The following PFAS variants were observed in gnomAD, a reference collection of about 807,000 sequenced individuals.
PFAS encodes the protein FGAM synthase.
A neutral mutation model predicts 140.6 loss-of-function variants in PFAS; 97 were observed. The observed-to-expected ratio is 0.69, with a 90% CI of 0.59 to 0.82. The LOEUF (loss-of-function observed/expected upper bound fraction) is 0.82, where lower values mean the gene tolerates loss of function less well. PFAS is among the 40% of genes least tolerant of loss of function. The pLI, the probability that PFAS is intolerant of heterozygous loss-of-function variation, is 0.00. For synonymous variants in PFAS, 679 were observed against 718.8 expected, an observed-to-expected ratio of 0.94 and a Z score of 0.88; for missense variants, 1,656 against 1,780.2, an observed-to-expected ratio of 0.93 and a Z score of 1.26.
At position 8,266,541 on chromosome 17, in the gene PFAS, A is replaced by G. The variant is rs770599824; in HGVS notation, c.2821+188A>G. Reference sequence around the variant, plus strand: ...CTGGCTGACACCCACCATGTTCCTGACTGCACCCCTCTGAGACTTCCCATC... The same window carrying G: ...CTGGCTGACACCCACCATGTTCCTGGCTGCACCCCTCTGAGACTTCCCATC... On this transcript the variant is annotated intron_variant, in intron 22 of 27. Coordinates refer to ENST00000314666, the MANE Select transcript of PFAS (RefSeq NM_012393.3). The surrounding 1 kb of genome is among the most constrained non-coding windows in gnomAD (Gnocchi z 5.0). 16 of 1,450,970 alleles carry G rather than the reference A, an allele frequency of 1.1e-5. No homozygotes were observed. Among genetic ancestry groups the G allele is most frequent in the Non-Finnish European group, 1.4e-5 (16 of 1,106,210 alleles). The allele number at this position is 1,450,970 out of a possible 1,614,324, so 89.9% of individuals were successfully genotyped here. A position where few individuals can be genotyped will look rare whatever the true frequency, so the allele number is the denominator to read the frequency against.
In PFAS at chr17:8,265,092, C is replaced by T; in HGVS notation, c.2247C>T (p.Thr749=). 1 of 1,613,122 alleles carries T rather than the reference C, an allele frequency of 6.2e-7. No homozygotes were observed. The change falls in exon 18 of 28, where the codon ACC becomes ACT. Residue 749 remains threonine, a synonymous_variant. Transcript: ENST00000314666. ...AARLAVAEAL[T]NLVFALVTDL... Reference sequence around the variant, plus strand: ...GGCTGGCCGTGGCCGAAGCCCTCACCAACCTGGTGTTTGCTCTGGTCACTG... The same window carrying T: ...GGCTGGCCGTGGCCGAAGCCCTCACTAACCTGGTGTTTGCTCTGGTCACTG...
intron 26 of PFAS, 83 bp from the exon 27 acceptor site, chr17:8,268,450 A>T: frequency 1.1e-6 from 1 of 878,888 alleles, no homozygotes; most frequent in Non-Finnish European, 1.8e-6. Context: ...AAGAAAAGAA[A>T]CAGAGCAGTT....
chr17:8,268,063 T>C lies in PFAS; in HGVS notation c.3382+398T>C, dbSNP rs1325621410. 4.3e-3 allele frequency among the ~76,000 whole-genome samples: 609 copies of C among 142,978 alleles called. 2 individuals carry two copies. Among genetic ancestry groups the C allele is most frequent in the Non-Finnish European group, 6.6e-3 (437 of 65,738 alleles). The allele number at this position is 142,978 out of a possible 152,430, so 93.8% of individuals were successfully genotyped here. On this transcript the variant is annotated intron_variant, in intron 26 of 27. Coordinates refer to ENST00000314666, the MANE Select transcript of PFAS (RefSeq NM_012393.3). ...GTATATTTTTAAATATATATATATA[T>C]ATATATGTATTTTTTGAGACGGAGT...
At position 8,256,401 on chromosome 17, in the gene PFAS, A is replaced by T; in HGVS notation, c.815A>T (p.Asn272Ile). 2 of 1,614,076 alleles carry T rather than the reference A, an allele frequency of 1.2e-6. No individual in the cohort carries two copies. The highest frequency in any genetic ancestry group is 1.7e-6 in the Non-Finnish European group (2 of 1,180,024). Residue 272 changes from asparagine to isoleucine, a missense_variant, in exon 7 of 28, where the codon AAC becomes ATC. Transcript: ENST00000314666. Reference sequence around the variant, plus strand: ...AACAACGTCCTCAAATTCTGTGATAACAGCAGGTGCTGTGCCCTAGACTGG... The same window carrying T: ...AACAACGTCCTCAAATTCTGTGATATCAGCAGGTGCTGTGCCCTAGACTGG... ...NPNNVLKFCD[N>I]SSAIQGKEVR...
chr17:8,261,344 C>T (rs1262591262), intron 11 of PFAS, among the ~76,000 whole-genome samples: 1 of 151,600 alleles, frequency 6.6e-6, no homozygotes, highest in African/African-American at 2.4e-5. Context: ...TCAAGCAATT[C>T]CCCTGCCTCA....
At chr17:8,256,006 C>CT in intron 6 of PFAS, 96 bp downstream of exon 6, 1 of 969,416 alleles carries the variant, frequency 1.0e-6, no homozygotes, top group Non-Finnish European at 1.6e-6. Context: ...GCTTAGGGGC[C>CT]TCCCTGAGTC....
Position 8,258,067 on chromosome 17 carries a change from C to A in PFAS, c.1208-4C>A. ...GACAGGTCCCTCTGATGTTCACACT[C>A]CAGGCTTCGCCCGCTCCTTGGGCCT... On this transcript the variant is annotated splice_region_variant and splice_polypyrimidine_tract_variant and intron_variant, in intron 10 of 27. Coordinates refer to ENST00000314666, the MANE Select transcript of PFAS (RefSeq NM_012393.3). 4 of 1,614,140 alleles carry A rather than the reference C, an allele frequency of 2.5e-6. No homozygotes were observed. Among genetic ancestry groups the A allele is most frequent in the Non-Finnish European group, 3.4e-6 (4 of 1,180,014 alleles).
Position 8,267,560 on chromosome 17 carries a change from G to T in PFAS, c.3277G>T (p.Val1093Leu), listed in dbSNP as rs35050039. The T allele has an allele frequency of 1.9e-6, 3 of 1,610,230 alleles. No individual in the cohort carries two copies. Among genetic ancestry groups the T allele is most frequent in the Admixed American group, 1.7e-5 (1 of 59,978 alleles). The change falls in exon 26 of 28, where the codon GTG (valine) becomes TTG (leucine). Residue 1093 changes from valine (V) to leucine (L), a missense_variant. Transcript: ENST00000314666. This position sits in a 1 kb window ranked among gnomAD's most constrained non-coding sequence, Gnocchi z 4.9. ...CTCCCCACCTTCGCAGGTATGGGAC[G>T]TGACCATGCAGGACCTCTGCTCTGG... ...FHLAGFEVWDVTMQDLCSGAI... is the reference protein window; with the variant it reads ...FHLAGFEVWDLTMQDLCSGAI...
Position 8,268,657 on chromosome 17 carries a change from G to A in PFAS, c.3507G>A (p.Trp1169Ter). ...GTCAACTGCTGGCTCTGCTCGGCTG[G>A]GTGGGAGGCGACCCCAATGAGGATG... The part of the protein sequence containing the change: ...NGCQLLALLG[W>*]VGGDPNEDAA... The change falls in exon 27 of 28, where the codon TGG (tryptophan) becomes TGA (stop). Residue 1169 changes from tryptophan to a stop codon, truncating the protein, a stop_gained. Coordinates refer to ENST00000314666, the MANE Select transcript of PFAS (RefSeq NM_012393.3). LOFTEE classifies it high-confidence loss of function. The A allele has an allele frequency of 6.2e-7, 1 of 1,613,782 alleles. No individual in the cohort carries two copies. Among genetic ancestry groups the A allele is most frequent in the Non-Finnish European group, 8.5e-7 (1 of 1,180,006 alleles).
Position 8,255,014 on chromosome 17 carries a change from G to A in PFAS, c.279-13G>A, listed in dbSNP as rs1268223968. ...GGGGTTCTCCAGTCCTAACCATCAG[G>A]CCCATTGTTCAGGCTGAACTTCTCC... On this transcript the variant is annotated splice_polypyrimidine_tract_variant and intron_variant, in intron 3 of 27. Transcript: ENST00000314666. The A allele has an allele frequency of 1.9e-6, 3 of 1,599,774 alleles. No individual in the cohort carries two copies. In the Admixed American group the frequency reaches 5.0e-5, roughly 27 times the overall value.
At position 8,254,278 on chromosome 17, in the gene PFAS, C is replaced by T. The variant is rs1277936496; in HGVS notation, c.255C>T (p.Asp85=). 1.9e-6 allele frequency: 3 copies of T among 1,614,058 alleles called. No homozygotes were observed. The highest frequency in any genetic ancestry group is 2.5e-6 in the Non-Finnish European group (3 of 1,179,996). ...CCTGGCTCCTTCCTGGCTCCAATGACCTGCTGCTGGAGGTCGGGCCCAGGT... is the reference window on the plus strand; with the variant it reads ...CCTGGCTCCTTCCTGGCTCCAATGATCTGCTGCTGGAGGTCGGGCCCAGGT... ...RESWLLPGSN[D]LLLEVGPRLN... is the part of the protein sequence containing the mutation. The change falls in exon 3 of 28, where the codon GAC becomes GAT. Residue 85 remains aspartate, a synonymous_variant. Transcript: ENST00000314666.
rs368050168 is a variant in PFAS, at chr17:8,253,982, G to T, written c.45G>T (p.Glu15Asp). The change falls in exon 2 of 28, where the codon GAG (glutamate) becomes GAT (aspartate). Residue 15 changes from glutamate (E) to aspartate (D), a missense_variant. Glu to Asp is a conservative substitution (Grantham distance 45, BLOSUM62 2). Transcript: ENST00000314666. Reference sequence around the variant, plus strand: ...TCTATGTTCGTCCCTCTGGCCATGAGGGGGCAGCCCCTGGACACACTCGGA... The same window carrying T: ...TCTATGTTCGTCCCTCTGGCCATGATGGGGCAGCCCCTGGACACACTCGGA... The part of the protein sequence containing the change: ...LHFYVRPSGH[E>D]GAAPGHTRRK... 15 of 1,614,146 alleles carry T rather than the reference G, an allele frequency of 9.3e-6. No individual in the cohort carries two copies. The highest frequency in any genetic ancestry group is 1.3e-5 in the Non-Finnish European group (15 of 1,180,012).
chr17:8,247,966 A>T (rs1988907383), upstream of PFAS: 1 of 1,601,448 alleles, frequency 6.2e-7, no homozygotes, highest in African/African-American at 1.3e-5. Context: ...TGTGACAAAC[A>T]AGAAAAAAGG....
At chr17:8,255,220 C>T (rs1157188516) in intron 4 of PFAS, 88 bp downstream of exon 4, 5 of 1,029,890 alleles carry the variant, frequency 4.9e-6, no homozygotes, top group South Asian at 1.4e-5. Context: ...GACAGGTGCT[C>T]CTGGCTTTAG....
intron 26 of PFAS, among the ~76,000 whole-genome samples, chr17:8,268,016 T>C (rs1989898308): frequency 7.4e-6 from 1 of 135,148 alleles, no homozygotes; most frequent in Admixed American, 8.4e-5. Context: ...TTATATATAT[T>C]ATTTATATAT....
Position 8,263,861 on chromosome 17 carries a change from G to T in PFAS, c.1716G>T (p.Arg572=). 1 of 1,614,126 alleles carries T rather than the reference G, an allele frequency of 6.2e-7. No homozygotes were observed. Among genetic ancestry groups the T allele is most frequent in the Non-Finnish European group, 8.5e-7 (1 of 1,180,028 alleles). Residue 572 remains arginine (R), a synonymous_variant, in exon 15 of 28, where the codon CGG becomes CGT. Coordinates refer to ENST00000314666, the MANE Select transcript of PFAS (RefSeq NM_012393.3). ...SNALLLRSPN[R]DFLTHVSARE... ...CTCTTCTGCTGAGGTCCCCCAACCG[G>T]GACTTCCTGACTCATGTCAGTGCCC...
chr17:8,263,123 C>T lies in PFAS; in HGVS notation c.1425C>T (p.Asn475=), dbSNP rs759475193. ...TATGCCCCCAGGTGCAGGGAGATAA[C>T]ACCAGTGACCTGGACTTTGGGGCTG... ...AASSVQVQGD[N]TSDLDFGAVQ... Residue 475 remains asparagine, a synonymous_variant, in exon 13 of 28, where the codon AAC becomes AAT. Transcript: ENST00000314666. 8 of 1,613,918 alleles carry T rather than the reference C, an allele frequency of 5.0e-6. No homozygotes were observed. Among genetic ancestry groups the T allele is most frequent in the Non-Finnish European group, 6.8e-6 (8 of 1,179,870 alleles).
rs1989450468 is a variant in PFAS, at chr17:8,258,160, A to G, written c.1297A>G (p.Met433Val). ...CATGTTTAGTGGGGGCATTGGGTCCATGGAAGCTGACCACATAAGCAAGGA... is the reference window on the plus strand; with the variant it reads ...CATGTTTAGTGGGGGCATTGGGTCCGTGGAAGCTGACCACATAAGCAAGGA... ...PIMFSGGIGSMEADHISKEAP... is the reference protein window; with the variant it reads ...PIMFSGGIGSVEADHISKEAP... Residue 433 changes from methionine (M) to valine (V), a missense_variant, in exon 11 of 28, where the codon ATG (methionine) becomes GTG (valine). Met to Val is a conservative substitution (Grantham distance 21). Transcript: ENST00000314666. The G allele has an allele frequency of 1.9e-6, 3 of 1,614,164 alleles. No individual in the cohort carries two copies. Among genetic ancestry groups the G allele is most frequent in the African/African-American group, 2.7e-5 (2 of 75,064 alleles).
At position 8,255,118 on chromosome 17, in the gene PFAS, C is replaced by T. The variant is rs145376412; in HGVS notation, c.370C>T (p.Arg124Cys). Residue 124 changes from arginine to cysteine, a missense_variant, in exon 4 of 28, where the codon CGC (arginine) becomes TGC (cysteine). By Grantham distance (180) the Arg-to-Cys change is radical (BLOSUM62 -3). Transcript: ENST00000314666. ...GPVDRVETTR[R>C]YRLSFAHPPS... ...TGTGGATCGTGTGGAGACCACCCGG[C>T]GCTACCGGCTCTCGGTGAGGTGATG... 31 of 1,610,198 alleles carry T rather than the reference C, an allele frequency of 1.9e-5. No homozygotes were observed. Among genetic ancestry groups the T allele is most frequent in the Admixed American group, 6.7e-5 (4 of 59,998 alleles).
Sources: gnomAD v4.1 joint callset for allele counts (sites outside exome capture counted in the v4.1 genomes callset) on GRCh38, gnomAD v4.1.1 for gene constraint, Gnocchi (gnomAD v3.1) non-coding constraint, MANE v1.5 for transcripts, NCBI Gene and HGNC (gene_info 2026-07-23, HGNC 2026-07-21) for gene names.